Variants in PPP2CA observed in about 807,000 individuals in gnomAD.
PPP2CA encodes serine/threonine-protein phosphatase 2A catalytic subunit alpha isoform.
A neutral mutation model predicts 38.8 loss-of-function variants in PPP2CA; 5 were observed. The ratio of observed to expected loss-of-function variants is 0.13; its 90% CI spans 0.07 to 0.27. PPP2CA has a LOEUF of 0.27. Among genes scored for constraint, PPP2CA ranks in the 10% least tolerant of loss-of-function variants. The pLI, the probability that PPP2CA is intolerant of heterozygous loss-of-function variation, is 1.00. For missense variants in PPP2CA, 88 were observed against 389.7 expected (o/e 0.23, Z 6.52); for synonymous variants, 152 against 134.0 (o/e 1.13, Z -0.93).
At chr5:134,223,532 A>G (rs1762492916) in intron 1 of PPP2CA, among the ~76,000 whole-genome samples, 1 of 152,194 alleles carries the variant, frequency 6.6e-6, no homozygotes, top group Non-Finnish European at 1.5e-5. Context: ...TATAACACCT[A>G]CTCTCAAATA....
At chr5:134,197,879 A>G (rs770116414) in intron 6 of PPP2CA, 35 bp from the exon 7 acceptor site, 5 of 1,567,508 alleles carry the variant, frequency 3.2e-6, no homozygotes, top group Non-Finnish European at 4.4e-6. Flanking sequence ...TTTATGTTCC[A>G]CGACCTCCAT....
intron 1 of PPP2CA, among the ~76,000 whole-genome samples, chr5:134,218,718 G>C (rs1189251305): frequency 6.6e-6 from 1 of 151,256 alleles, no homozygotes. Flanking sequence ...GCTTAGGCTG[G>C]AGTGCAGGGG....
intron 1 of PPP2CA, among the ~76,000 whole-genome samples, chr5:134,212,501 C>A (rs1198794009): frequency 6.6e-6 from 1 of 152,164 alleles, no homozygotes; most frequent in African/African-American, 2.4e-5. Context: ...TCTCCCTCTC[C>A]TTGGGCCTCC....
chr5:134,200,821 T>C lies in PPP2CA; in HGVS notation c.576+164A>G, dbSNP rs115116939. Reference sequence around the variant, plus strand: ...TCACAGCTGTTGTGATCTTGGCAGGTTTCTTAATGTCAGCTTCTTTTGAAC... The same window carrying C: ...TCACAGCTGTTGTGATCTTGGCAGGCTTCTTAATGTCAGCTTCTTTTGAAC... On this transcript the variant is annotated intron_variant, in intron 4 of 6. Coordinates refer to ENST00000481195, the MANE Select transcript of PPP2CA (RefSeq NM_002715.4). 3.6e-3 allele frequency among the ~76,000 whole-genome samples: 542 copies of C among 152,292 alleles called. 2 individuals are homozygous for C. Among genetic ancestry groups the C allele is most frequent in the African/African-American group, 0.012 (516 of 41,550 alleles).
chr5:134,225,486 C>T, intron 1 of PPP2CA: 2 of 398,078 alleles, frequency 5.0e-6, no homozygotes, highest in Non-Finnish European at 4.6e-6. Context: ...TCCGCTCCCC[C>T]TGCCACCTCG....
chr5:134,200,402 A>G lies in PPP2CA; in HGVS notation c.671T>C (p.Ile224Thr). 2 of 1,614,230 alleles carry G rather than the reference A, an allele frequency of 1.2e-6. No homozygotes were observed. Among genetic ancestry groups the G allele is most frequent in the Non-Finnish European group, 1.7e-6 (2 of 1,180,030 alleles). Residue 224 changes from isoleucine to threonine, a missense_variant, in exon 5 of 7, where the codon ATT becomes ACT. Ile to Thr is a moderately conservative substitution (Grantham distance 89). Transcript: ENST00000481195. ...RGAGYTFGQD[I>T]SETFNHANGL... ...ATTGGCATGATTAAATGTCTCAGAA[A>G]TATCTTGCCCAAAGGTGTAACCAGC...
intron 1 of PPP2CA, among the ~76,000 whole-genome samples, chr5:134,212,620 G>A (rs1762225777): frequency 6.6e-6 from 1 of 152,152 alleles, no homozygotes; most frequent in Admixed American, 6.5e-5. Context: ...TAAATGAAAA[G>A]TTAGAAATTA....
chr5:134,199,996 CTACA>C (rs1368810638), intron 5 of PPP2CA, among the ~76,000 whole-genome samples: 3 of 152,162 alleles, frequency 2.0e-5, no homozygotes, highest in Non-Finnish European at 4.4e-5. Context: ...CCAGTCTCTC[CTACA>C]TACATACATT....
At chr5:134,223,955 A>T (rs1762501880) in intron 1 of PPP2CA, among the ~76,000 whole-genome samples, 1 of 152,216 alleles carries the variant, frequency 6.6e-6, no homozygotes, top group Non-Finnish European at 1.5e-5. Context: ...ATAGACAGGA[A>T]AACAAGGACA....
chr5:134,217,567 T>G (rs1160330693), intron 1 of PPP2CA, among the ~76,000 whole-genome samples: 1 of 152,220 alleles, frequency 6.6e-6, no homozygotes, highest in Non-Finnish European at 1.5e-5. Context: ...CATACTGTTT[T>G]TATGTCAAGA....
intron 1 of PPP2CA, among the ~76,000 whole-genome samples, chr5:134,222,725 C>G (rs1481665890): frequency 6.6e-6 from 1 of 152,176 alleles, no homozygotes; most frequent in Admixed American, 6.5e-5. Context: ...CATACCCGGC[C>G]AGTTATACTG....
chr5:134,201,057 A>G lies in PPP2CA; in HGVS notation c.504T>C (p.Gly168=), dbSNP rs1397077735. ...GTGTATCTATAGATGGCGAGAGACC[A>G]CCATGTAGACAGAAGATCTGAAAAG... The part of the protein sequence containing the change: ...LVDGQIFCLH[G]GLSPSIDTLD... The change falls in exon 4 of 7, where the codon GGT becomes GGC. Residue 168 remains glycine, a synonymous_variant. Coordinates refer to ENST00000481195, the MANE Select transcript of PPP2CA (RefSeq NM_002715.4). The G allele has an allele frequency of 1.2e-6, 2 of 1,611,996 alleles. No individual in the cohort carries two copies. Among genetic ancestry groups the G allele is most frequent in the South Asian group, 1.1e-5 (1 of 91,032 alleles).
intron 2 of PPP2CA, chr5:134,205,603 G>A (rs897969870): frequency 7.9e-6 from 2 of 252,550 alleles, no homozygotes; most frequent in East Asian, 9.8e-5. Context: ...GGCTGGTCTC[G>A]AACTCCTGAC....
chr5:134,199,055 T>C (rs760734246), intron 6 of PPP2CA, 31 bp downstream of exon 6: 2 of 1,514,162 alleles, frequency 1.3e-6, no homozygotes, highest in Middle Eastern at 1.7e-4. Context: ...TATTCAGTAA[T>C]GCAAGAAAAT....
At chr5:134,206,924 T>A (rs1762095313) in intron 1 of PPP2CA, among the ~76,000 whole-genome samples, 1 of 152,088 alleles carries the variant, frequency 6.6e-6, no homozygotes. Flanking sequence ...CACAAACAAG[T>A]AACCAAGCCA....
rs1309628547 is a variant in PPP2CA, at chr5:134,196,031, T to C, written c.*1741A>G. On this transcript the variant is annotated 3_prime_UTR_variant, in exon 7 of 7. Coordinates refer to ENST00000481195, the MANE Select transcript of PPP2CA (RefSeq NM_002715.4). ...TCAGTCGGAGAGAAAGGGCATAGAG[T>C]GACAGAGCAACAAAAAGACACACAG... The C allele has an allele frequency of 1.3e-5, 2 of 152,028 alleles. No homozygotes were observed. Among genetic ancestry groups the C allele is most frequent in the Non-Finnish European group, 2.9e-5 (2 of 68,018 alleles). The allele number at this position is 152,028 out of a possible 1,614,324, so 9.4% of individuals were successfully genotyped here. A position where few individuals can be genotyped will look rare whatever the true frequency, so the allele number is the denominator to read the frequency against.
At chr5:134,217,977 C>T (rs1762356490) in intron 1 of PPP2CA, among the ~76,000 whole-genome samples, 1 of 152,152 alleles carries the variant, frequency 6.6e-6, no homozygotes, top group African/African-American at 2.4e-5. Context: ...TATAACTAAA[C>T]ATAAACAATA....
intron 1 of PPP2CA, among the ~76,000 whole-genome samples, chr5:134,213,283 A>G (rs1380527060): frequency 1.3e-5 from 2 of 152,234 alleles, no homozygotes; most frequent in African/African-American, 4.8e-5. Context: ...GCCATTCTTT[A>G]GCACTTAAGA....
chr5:134,208,293 TTAC>T (rs1762126748), intron 1 of PPP2CA, among the ~76,000 whole-genome samples: 1 of 152,244 alleles, frequency 6.6e-6, no homozygotes, highest in Non-Finnish European at 1.5e-5. Flanking sequence ...CTGAAGTTCC[TTAC>T]TACAACTGAC....
Sources: allele counts gnomAD v4.1 joint callset (sites outside exome capture counted in the v4.1 genomes callset), GRCh38; gene constraint gnomAD v4.1.1; transcripts MANE v1.5; gene names NCBI Gene and HGNC (gene_info 2026-07-23, HGNC 2026-07-21).